The following STARD13 variants were observed in gnomAD, a reference collection of about 807,000 sequenced individuals.
The protein encoded by STARD13 is StAR related lipid transfer domain containing 13.
Under a neutral mutation model 106.4 loss-of-function variants are expected in STARD13, and 62 were observed. That is an observed-to-expected ratio of 0.58 (90% CI 0.48 to 0.72). STARD13 has a LOEUF of 0.72. Ranked by LOEUF, STARD13 falls within the 30% of genes least tolerant of loss-of-function variation. STARD13 has a pLI of 0.00. For synonymous variants in STARD13, 565 were observed against 553.0 expected (o/e 1.02, Z -0.31); for missense variants, 1,387 against 1,424.0 (o/e 0.97, Z 0.42).
At chr13:33,665,556 G>T in the STARD13 span, among the ~76,000 whole-genome samples, 53 of 152,258 alleles carry the variant, frequency 3.5e-4, no homozygotes, top group African/African-American at 1.1e-3. Context: ...CCTGCCAGTT[G>T]CTTTGTGCTG....
chr13:33,181,267 T>TACACACACACACACACACAC (rs67752465), intron 1 of STARD13, among the ~76,000 whole-genome samples: 53 of 142,428 alleles, frequency 3.7e-4, no homozygotes, highest in Admixed American at 3.3e-3. Flanking sequence ...CACTCACACA[T>TACACACACACACACACACAC]ACATACACAC....
At chr13:33,228,018 C>T (rs73465041) in intron 1 of STARD13, among the ~76,000 whole-genome samples, 2,314 of 152,160 alleles carry the variant, frequency 0.015, 53 homozygotes, top group African/African-American at 0.05. Flanking sequence ...TTAACAGTTG[C>T]GTGGTGGGGG....
rs112788194 is a variant in STARD13 at position 33,318,187 on chromosome 13, C to A, written c.124+32103G>T. On this transcript the variant is annotated intron_variant, in intron 1 of 5. Transcript: ENST00000567873. Reference sequence around the variant, plus strand: ...CACCCTCAGTTTATAGATGAAACAACAGAGACATTTTTATGATCTACTCAG... The same window carrying A: ...CACCCTCAGTTTATAGATGAAACAAAAGAGACATTTTTATGATCTACTCAG... Among the ~76,000 whole-genome samples the A allele has an allele frequency of 7.0e-3, 1,072 of 152,232 alleles. 11 individuals are homozygous for A. The highest frequency in any genetic ancestry group is 0.024 in the African/African-American group (1,008 of 41,552).
chr13:33,651,032 C>G, the STARD13 span, among the ~76,000 whole-genome samples: 1 of 152,240 alleles, frequency 6.6e-6, no homozygotes, highest in African/African-American at 2.4e-5. Flanking sequence ...GTTATAGCAA[C>G]ACTCATGGAC....
At chr13:33,403,364 C>T in the STARD13 span, among the ~76,000 whole-genome samples, 4 of 152,138 alleles carry the variant, frequency 2.6e-5, no homozygotes, top group East Asian at 1.9e-4. Context: ...CACTTAGGAA[C>T]GATTGTGTGG....
At chr13:33,270,465 C>T (rs1188246276) in intron 1 of STARD13, among the ~76,000 whole-genome samples, 2 of 152,176 alleles carry the variant, frequency 1.3e-5, no homozygotes, top group Non-Finnish European at 2.9e-5. Context: ...AACTGAGCAC[C>T]ACACCTTCCA....
chr13:33,217,327 ACC>A (rs1365910659), intron 1 of STARD13, among the ~76,000 whole-genome samples: 4 of 151,970 alleles, frequency 2.6e-5, no homozygotes, highest in Non-Finnish European at 4.4e-5. Flanking sequence ...AGGCTGCCCC[ACC>A]CTTGTGACTC....
chr13:33,511,657 G>A, the STARD13 span, among the ~76,000 whole-genome samples: 30 of 152,130 alleles, frequency 2.0e-4, 1 homozygote, highest in Non-Finnish European at 2.9e-5. Context: ...AATGAAGGAA[G>A]AGGAAGTTGT....
chr13:33,131,424 C>A (rs558574575), intron 4 of STARD13, among the ~76,000 whole-genome samples: 1 of 116,046 alleles, frequency 8.6e-6, no homozygotes, highest in African/African-American at 3.1e-5. Context: ...TAGTCCAAAT[C>A]GAATCATATG....
the STARD13 span, among the ~76,000 whole-genome samples, chr13:33,420,442 G>A: frequency 6.6e-6 from 1 of 152,090 alleles, no homozygotes; most frequent in African/African-American, 2.4e-5. Context: ...AGGAGCACCT[G>A]GATTTATAAA....
the STARD13 span, among the ~76,000 whole-genome samples, chr13:33,656,624 C>T: frequency 2.6e-5 from 4 of 152,176 alleles, no homozygotes; most frequent in East Asian, 1.9e-4. Context: ...AATCTTAAAC[C>T]AGGAATGGAA....
At chr13:33,221,996 A>T (rs1888383451) in intron 1 of STARD13, among the ~76,000 whole-genome samples, 1 of 152,114 alleles carries the variant, frequency 6.6e-6, no homozygotes, top group African/African-American at 2.4e-5. Flanking sequence ...TAAAAATATA[A>T]AAATTAGCTG....
At chr13:33,340,345 G>A (rs972344123) in intron 1 of STARD13, among the ~76,000 whole-genome samples, 2 of 152,048 alleles carry the variant, frequency 1.3e-5, no homozygotes, top group African/African-American at 4.8e-5. Flanking sequence ...GAGTAGCTAG[G>A]ACAGGCACGT....
At chr13:33,448,959 C>A in the STARD13 span, among the ~76,000 whole-genome samples, 1 of 151,408 alleles carries the variant, frequency 6.6e-6, no homozygotes, top group Non-Finnish European at 1.5e-5. Context: ...TGAGTTGTTT[C>A]AGTTCCCTAT....
chr13:33,571,270 T>C, the STARD13 span, among the ~76,000 whole-genome samples: 3 of 152,194 alleles, frequency 2.0e-5, no homozygotes, highest in Non-Finnish European at 4.4e-5. Flanking sequence ...TAATTCATGT[T>C]GTGCCCTATC....
At chr13:33,135,353 G>A (rs948223463) in intron 4 of STARD13, among the ~76,000 whole-genome samples, 22 of 152,334 alleles carry the variant, frequency 1.4e-4, no homozygotes, top group African/African-American at 3.8e-4. Flanking sequence ...TTGTCTTACT[G>A]AACAGGGTAA....
At chr13:33,350,724 C>T, upstream of STARD13, 1 of 1,000,100 alleles carries the variant, frequency 1.0e-6, no homozygotes, top group East Asian at 6.9e-5. Flanking sequence ...CCCCTCCCTC[C>T]CCTGCCCTCC....
At chr13:33,500,430 A>G in the STARD13 span, among the ~76,000 whole-genome samples, 2 of 152,250 alleles carry the variant, frequency 1.3e-5, no homozygotes, top group African/African-American at 4.8e-5. Context: ...AATTTCCTAC[A>G]GTTCTGTATC....
At chr13:33,560,703 A>G in the STARD13 span, among the ~76,000 whole-genome samples, 1 of 151,594 alleles carries the variant, frequency 6.6e-6, no homozygotes, top group Non-Finnish European at 1.5e-5. Flanking sequence ...TACATTCTTA[A>G]AACATCTCAT....
Sources: allele counts gnomAD v4.1 joint callset (sites outside exome capture counted in the v4.1 genomes callset), GRCh38; gene constraint gnomAD v4.1.1; transcripts MANE v1.5; gene names NCBI Gene and HGNC (gene_info 2026-07-23, HGNC 2026-07-21).